Variants in NUDT6 observed in about 807,000 individuals in gnomAD.
NUDT6 encodes FAD diphosphatase NUDT6.
A neutral mutation model predicts 36.8 loss-of-function variants in NUDT6; 24 were observed. The ratio of observed to expected loss-of-function variants is 0.65; its 90% CI spans 0.47 to 0.92. The LOEUF is 0.92. Among genes scored for constraint, NUDT6 ranks in the 40% least tolerant of loss-of-function variants. The pLI, the probability that NUDT6 is intolerant of heterozygous loss-of-function variation, is 0.00. For synonymous variants in NUDT6, 163 were observed against 157.0 expected, an observed-to-expected ratio of 1.04 and a Z score of -0.29; for missense variants, 388 against 392.8, an observed-to-expected ratio of 0.99 and a Z score of 0.10.
chr4:122,912,748 G>T (rs1727756052), intron 2 of NUDT6, 125 bp from the exon 3 acceptor site: 1 of 638,298 alleles, frequency 1.6e-6, no homozygotes, highest in East Asian at 2.8e-5. Flanking sequence ...TCAAATACAG[G>T]TTGAGTATTC....
intron 3 of NUDT6, among the ~76,000 whole-genome samples, chr4:122,910,909 G>A (rs1727720503): frequency 6.6e-6 from 1 of 152,014 alleles, no homozygotes; most frequent in African/African-American, 2.4e-5. Flanking sequence ...ATAAATTCTG[G>A]TGATCTACTT....
chr4:122,894,812 T>C (rs1560763793), intron 4 of NUDT6: 1 of 152,334 alleles, frequency 6.6e-6, no homozygotes, highest in East Asian at 1.9e-4. Context: ...GCACTAGTCT[T>C]AAATTTGATA....
Position 122,892,583 on chromosome 4 carries a change from GTATA to G in NUDT6, c.*241_*244del. The G allele has an allele frequency of 6.9e-7, 1 of 1,444,532 alleles. No homozygotes were observed. Among genetic ancestry groups the G allele is most frequent in the East Asian group, 2.5e-5 (1 of 40,192 alleles). 89.5% of individuals were successfully genotyped at this position (1,444,532 alleles called of 1,614,324 possible). ...AGAAAAATAACAAAAGTTGTAAAATGTATATTCTCCCTTTTATATTGCATCTGCT... is the reference window on the plus strand; with the variant it reads ...AGAAAAATAACAAAAGTTGTAAAATGTTCTCCCTTTTATATTGCATCTGCT... On this transcript the variant is annotated 3_prime_UTR_variant, in exon 5 of 5. Coordinates refer to ENST00000304430, the MANE Select transcript of NUDT6 (RefSeq NM_007083.5).
chr4:122,917,770 C>T (rs770350561), intron 1 of NUDT6, 66 bp from the exon 2 acceptor site: 195 of 1,482,414 alleles, frequency 1.3e-4, no homozygotes, highest in Non-Finnish European at 1.6e-4. Flanking sequence ...TAAAACTCAC[C>T]TCAGGGTTTC....
chr4:122,914,816 C>G (rs1727797783), intron 2 of NUDT6, among the ~76,000 whole-genome samples: 1 of 152,012 alleles, frequency 6.6e-6, no homozygotes, highest in African/African-American at 2.4e-5. Context: ...TTGAGGATAT[C>G]GTGGTGACCA....
intron 3 of NUDT6, among the ~76,000 whole-genome samples, chr4:122,900,575 A>G (rs1353632052): frequency 6.6e-6 from 1 of 151,730 alleles, no homozygotes; most frequent in East Asian, 1.9e-4. Flanking sequence ...CACATCTAGT[A>G]TGTGATAAAC....
upstream of NUDT6, chr4:122,922,632 T>C (rs1352040093): frequency 1.4e-6 from 2 of 1,420,500 alleles, no homozygotes; most frequent in Non-Finnish European, 1.9e-6. Context: ...AGAGCGGAGA[T>C]CGCGGCCGTA....
At position 122,917,562 on chromosome 4, in the gene NUDT6, C is replaced by G. The variant is rs369866180; in HGVS notation, c.381G>C (p.Leu127=). ...HAESDSSTLT[L]WLREGPSRLP... ...ATCTGCTGGGCCCTTCTCTCAGCCA[C>G]AGAGTCAACGTTGATGAATCCGATT... The change falls in exon 2 of 5, where the codon CTG becomes CTC. Residue 127 remains leucine (L), a synonymous_variant. Transcript: ENST00000304430. The G allele has an allele frequency of 6.2e-7, 1 of 1,614,060 alleles. No homozygotes were observed. Among genetic ancestry groups the G allele is most frequent in the Non-Finnish European group, 8.5e-7 (1 of 1,180,036 alleles).
In NUDT6 at chr4:122,912,603, T is replaced by G. The variant is rs904329811; in HGVS notation, c.463A>C (p.Thr155Pro). ...GVAGAVFDES[T>P]RKILVVQDRN... ...TCTTGTACAACCAGTATTTTTCTAGTACTTTCATCAAATACAGCTCCTATT... is the reference window on the plus strand; with the variant it reads ...TCTTGTACAACCAGTATTTTTCTAGGACTTTCATCAAATACAGCTCCTATT... Residue 155 changes from threonine (T) to proline (P), a missense_variant, in exon 3 of 5, where the codon ACT becomes CCT. Physicochemically the swap from Thr to Pro is conservative, Grantham distance 38. Transcript: ENST00000304430. 1.4e-5 allele frequency: 23 copies of G among 1,589,482 alleles called. No homozygotes were observed. Among genetic ancestry groups the G allele is most frequent in the Non-Finnish European group, 2.0e-5 (23 of 1,158,448 alleles).
chr4:122,907,455 T>TTC (rs1339521459), intron 3 of NUDT6, among the ~76,000 whole-genome samples: 6 of 148,464 alleles, frequency 4.0e-5, no homozygotes, highest in African/African-American at 7.4e-5. Context: ...CTTTCTTTTT[T>TTC]TTTTTTTTTT....
At chr4:122,907,277 T>A (rs531298390) in intron 3 of NUDT6, among the ~76,000 whole-genome samples, 2 of 150,992 alleles carry the variant, frequency 1.3e-5, no homozygotes, top group African/African-American at 2.4e-5. Flanking sequence ...ATTACAGGCA[T>A]GCGCCACCAT....
intron 3 of NUDT6, among the ~76,000 whole-genome samples, chr4:122,906,665 G>A (rs1413924304): frequency 6.6e-6 from 1 of 152,170 alleles, no homozygotes; most frequent in African/African-American, 2.4e-5. Flanking sequence ...ATCTTGTAAA[G>A]AGGCTAGGTA....
intron 3 of NUDT6, among the ~76,000 whole-genome samples, chr4:122,912,224 C>CA (rs1727745673): frequency 6.6e-6 from 1 of 152,104 alleles, no homozygotes; most frequent in Admixed American, 6.6e-5. Context: ...TTTATATTCT[C>CA]AGCACCTGGC....
chr4:122,901,175 C>T (rs553999733), intron 3 of NUDT6, among the ~76,000 whole-genome samples: 1 of 152,202 alleles, frequency 6.6e-6, no homozygotes, highest in South Asian at 2.1e-4. Context: ...TATATGACCC[C>T]TCCCTGCTTT....
chr4:122,901,276 T>C (rs973150169), intron 3 of NUDT6, among the ~76,000 whole-genome samples: 2 of 152,172 alleles, frequency 1.3e-5, no homozygotes, highest in Non-Finnish European at 2.9e-5. Context: ...AATATGTGAT[T>C]TTAACCATAT....
At chr4:122,905,049 C>T (rs1727592658) in intron 3 of NUDT6, among the ~76,000 whole-genome samples, 1 of 152,318 alleles carries the variant, frequency 6.6e-6, no homozygotes, top group South Asian at 2.1e-4. Flanking sequence ...GGGACCCCAG[C>T]GGGTTGCCAC....
At chr4:122,911,348 T>C (rs1465514269) in intron 3 of NUDT6, among the ~76,000 whole-genome samples, 2 of 152,222 alleles carry the variant, frequency 1.3e-5, no homozygotes, top group African/African-American at 4.8e-5. Context: ...ACTGTTTCCA[T>C]GTCAAGTCTA....
intron 4 of NUDT6, 99 bp downstream of exon 4, chr4:122,897,525 G>T: frequency 1.1e-6 from 1 of 870,384 alleles, no homozygotes; most frequent in Non-Finnish European, 1.9e-6. Context: ...GGAACAAATT[G>T]GAAAATTTAA....
intron 2 of NUDT6, among the ~76,000 whole-genome samples, chr4:122,915,738 T>C (rs1263209936): frequency 6.6e-6 from 1 of 152,178 alleles, no homozygotes; most frequent in African/African-American, 2.4e-5. Flanking sequence ...CTGGGAACTC[T>C]TAAGAGTCTG....
Sources: allele counts gnomAD v4.1 joint callset (sites outside exome capture counted in the v4.1 genomes callset), GRCh38; gene constraint gnomAD v4.1.1; transcripts MANE v1.5; gene names NCBI Gene and HGNC (gene_info 2026-07-23, HGNC 2026-07-21).